Variants in ITIH3 observed in about 807,000 individuals in gnomAD.
The protein encoded by ITIH3 is inter-alpha-trypsin inhibitor heavy chain H3.
ITIH3 carries 81 observed loss-of-function variants against 96.5 expected under a neutral mutation model. The ratio of observed to expected loss-of-function variants is 0.84; its 90% CI spans 0.70 to 1.01. The LOEUF is 1.01. ITIH3 is among the 50% of genes least tolerant of loss of function. The pLI is 0.00. For synonymous variants in ITIH3, 422 were observed against 445.2 expected, an observed-to-expected ratio of 0.95 and a Z score of 0.66; for missense variants, 1,057 against 1,139.3, an observed-to-expected ratio of 0.93 and a Z score of 1.04.
rs180828720 is a variant in ITIH3 at position 52,805,421 on chromosome 3, G to C, written c.1874-387G>C. On this transcript the variant is annotated intron_variant, in intron 15 of 21. Coordinates refer to ENST00000449956, the MANE Select transcript of ITIH3 (RefSeq NM_002217.4). ...CGCATATGTGTGCGCCTGTGTGCACGTGTGGGTGGGTGTTTACTATCAAGA... is the reference window on the plus strand; with the variant it reads ...CGCATATGTGTGCGCCTGTGTGCACCTGTGGGTGGGTGTTTACTATCAAGA... 8.6e-6 allele frequency: 9 copies of C among 1,048,532 alleles called. No individual in the cohort carries two copies. In the African/African-American group the frequency reaches 1.5e-4, roughly 18 times the overall value. The allele number at this position is 1,048,532 out of a possible 1,614,324, so 65.0% of individuals were successfully genotyped here.
Position 52,802,812 on chromosome 3 carries a change from C to T in ITIH3, c.1709+6C>T, listed in dbSNP as rs1409372714. 6.2e-7 allele frequency: 1 copy of T among 1,613,658 alleles called. No homozygotes were observed. The highest frequency in any genetic ancestry group is 1.3e-5 in the African/African-American group (1 of 75,052). Reference sequence around the variant, plus strand: ...GAGCAGCTGCTGGAGAAGCGGTGAGCAGAGTCCCAGCCCCCACCTGTGCCT... The same window carrying T: ...GAGCAGCTGCTGGAGAAGCGGTGAGTAGAGTCCCAGCCCCCACCTGTGCCT... On this transcript the variant is annotated splice_donor_region_variant and intron_variant, in intron 13 of 21. Transcript: ENST00000449956.
chr3:52,795,695 G>A, intron 2 of ITIH3, 72 bp downstream of exon 2: 1 of 1,468,794 alleles, frequency 6.8e-7, no homozygotes, highest in Admixed American at 1.8e-5. Flanking sequence ...AACTGCTGAA[G>A]GTGTAGGCTA....
chr3:52,800,438 C>T, intron 9 of ITIH3, 100 bp from the exon 10 acceptor site: 1 of 1,447,300 alleles, frequency 6.9e-7, no homozygotes, highest in Admixed American at 2.1e-5. Flanking sequence ...TCCTTGGGCA[C>T]ATGAGTGGGG....
intron 13 of ITIH3, among the ~76,000 whole-genome samples, chr3:52,803,307 TTTTATTTTATTATTATTA>T (rs1205441349): frequency 0.011 from 1,386 of 120,792 alleles, 25 homozygotes; most frequent in African/African-American, 0.066. Flanking sequence ...TATTTATTTA[TTTTATTTTATTATTATTA>T]TTTTTTTTTT....
intron 16 of ITIH3, 107 bp from the exon 17 acceptor site, chr3:52,805,992 TAGCG>T: frequency 8.7e-6 from 13 of 1,487,620 alleles, no homozygotes; most frequent in Non-Finnish European, 1.1e-5. Flanking sequence ...GCAATGGCAT[TAGCG>T]AGCGGGAAGG....
In ITIH3 at chr3:52,796,752, G is replaced by A. The variant is rs1699600587; in HGVS notation, c.295G>A (p.Val99Ile). The change falls in exon 4 of 22, where the codon GTT becomes ATT. Residue 99 changes from valine to isoleucine, a missense_variant. Transcript: ENST00000449956. The stretch of plus-strand genomic sequence containing the variant: ...CTTTCCCTGCAGGACCATCGACGGT[G>A]TTACCTACCCTGGGAATGTCAAGGA... Reference protein sequence around the residue: ...ITNFTLTIDGVTYPGNVKEKE... With the variant: ...ITNFTLTIDGITYPGNVKEKE... 6.2e-7 allele frequency: 1 copy of A among 1,612,138 alleles called. No homozygotes were observed.
intron 6 of ITIH3, 163 bp from the exon 7 acceptor site, chr3:52,798,803 C>A: frequency 1.3e-6 from 1 of 762,016 alleles, no homozygotes; most frequent in Non-Finnish European, 2.1e-6. Flanking sequence ...GAGCACGCCA[C>A]CGGCGGGCAG....
Position 52,797,819 on chromosome 3 carries a change from C to G in ITIH3, c.552C>G (p.Ile184Met), listed in dbSNP as rs780953381. The change falls in exon 6 of 22, where the codon ATC (isoleucine) becomes ATG (methionine). Residue 184 changes from isoleucine to methionine, a missense_variant and splice_region_variant. By Grantham distance (10) the Ile-to-Met change is conservative. Transcript: ENST00000449956. ...TTTCCTTACTTTGGCCATTTCAGAT[C>G]GAGGTAGACATCTTCGAGCCTCAGG... Reference protein sequence around the residue: ...QPKQLVKHFEIEVDIFEPQGI... With the variant: ...QPKQLVKHFEMEVDIFEPQGI... The G allele has an allele frequency of 6.3e-7, 1 of 1,594,476 alleles. No homozygotes were observed. The highest frequency in any genetic ancestry group is 8.6e-7 in the Non-Finnish European group (1 of 1,168,524).
Position 52,796,809 on chromosome 3 carries a change from G to C in ITIH3, c.352G>C (p.Ala118Pro). 6.2e-7 allele frequency: 1 copy of C among 1,612,406 alleles called. No individual in the cohort carries two copies. Among genetic ancestry groups the C allele is most frequent in the African/African-American group, 1.3e-5 (1 of 75,028 alleles). Residue 118 changes from alanine (A) to proline (P), a missense_variant, in exon 4 of 22, where the codon GCT becomes CCT. Coordinates refer to ENST00000449956, the MANE Select transcript of ITIH3 (RefSeq NM_002217.4). ...AGTTGCCAAGAAGCAGTATGAAAAG[G>C]CTGTGTCCCAGGGCAAGACGGCCGG... ...KEVAKKQYEK[A>P]VSQGKTAGLV...
In ITIH3 at chr3:52,805,957, C is replaced by G. The variant is rs954037676; in HGVS notation, c.1906+117C>G. On this transcript the variant is annotated intron_variant, in intron 16 of 21. Coordinates refer to ENST00000449956, the MANE Select transcript of ITIH3 (RefSeq NM_002217.4). The stretch of plus-strand genomic sequence containing the variant: ...CGGGATGGGCAGATGGACAATGTGC[C>G]CTGAGGAGATTGCGGGGTGGGAGGG... The G allele has an allele frequency of 1.3e-5, 20 of 1,531,782 alleles. No homozygotes were observed. The African/African-American group carries it at 2.6e-4, about 20-fold the overall frequency. The allele number at this position is 1,531,782 out of a possible 1,614,324, so 94.9% of individuals were successfully genotyped here. A position where few individuals can be genotyped will look rare whatever the true frequency, so the allele number is the denominator to read the frequency against.
At chr3:52,800,829 A>G in intron 10 of ITIH3, 136 bp from the exon 11 acceptor site, 1 of 1,461,156 alleles carries the variant, frequency 6.8e-7, no homozygotes, top group Non-Finnish European at 9.3e-7. Context: ...AGGGCTCTCC[A>G]CCACCTGCCC....
chr3:52,802,466 C>T lies in ITIH3; in HGVS notation c.1516C>T (p.Arg506Cys), dbSNP rs770349939. The change falls in exon 12 of 22, where the codon CGC becomes TGC. Residue 506 changes from arginine to cysteine, a missense_variant. Coordinates refer to ENST00000449956, the MANE Select transcript of ITIH3 (RefSeq NM_002217.4). ...TGGCTCTGAGATCGTGGTGGCCGGG[C>T]GCCTGGTGGACGAGGACATGAACAG... ...YDGSEIVVAG[R>C]LVDEDMNSFK... 11 of 1,613,766 alleles carry T rather than the reference C, an allele frequency of 6.8e-6. No homozygotes were observed. Among genetic ancestry groups the T allele is most frequent in the South Asian group, 2.2e-5 (2 of 91,080 alleles).
intron 14 of ITIH3, 118 bp from the exon 15 acceptor site, chr3:52,804,608 C>A: frequency 1.9e-6 from 2 of 1,064,008 alleles, no homozygotes; most frequent in Non-Finnish European, 2.8e-6. Flanking sequence ...GAAGAGCTGG[C>A]TGCTGGGAGG....
chr3:52,802,373 G>A lies in ITIH3; in HGVS notation c.1423G>A (p.Val475Met). The change falls in exon 12 of 22, where the codon GTG becomes ATG. Residue 475 changes from valine to methionine, a missense_variant. By Grantham distance (21) the Val-to-Met change is conservative. Coordinates refer to ENST00000449956, the MANE Select transcript of ITIH3 (RefSeq NM_002217.4). ...GGTGGCCAACCCACTGCTGACGGGT[G>A]TGGAGATGGAGTACCCCGAGAACGC... Reference protein sequence around the residue: ...EEVANPLLTGVEMEYPENAIL... With the variant: ...EEVANPLLTGMEMEYPENAIL... 2 of 1,614,030 alleles carry A rather than the reference G, an allele frequency of 1.2e-6. No individual in the cohort carries two copies. Among genetic ancestry groups the A allele is most frequent in the Non-Finnish European group, 1.7e-6 (2 of 1,179,906 alleles).
intron 5 of ITIH3, among the ~76,000 whole-genome samples, chr3:52,797,596 T>A (rs1000601227): frequency 2.0e-5 from 3 of 152,206 alleles, no homozygotes; most frequent in Non-Finnish European, 4.4e-5. Context: ...AGTGGTGGAA[T>A]TTCGGGCGCA....
chr3:52,801,658 T>C (rs562361631), intron 11 of ITIH3, among the ~76,000 whole-genome samples: 8 of 152,322 alleles, frequency 5.3e-5, no homozygotes, highest in Non-Finnish European at 1.0e-4. Flanking sequence ...GTCTTCCCTC[T>C]GGATGTCTGT....
intron 19 of ITIH3, 25 bp from the exon 20 acceptor site, chr3:52,807,722 G>A: frequency 1.3e-6 from 2 of 1,594,730 alleles, no homozygotes; most frequent in Non-Finnish European, 8.5e-7. Flanking sequence ...GGGCCCCACA[G>A]CCACTTTCTG....
chr3:52,807,213 G>C, intron 19 of ITIH3, 108 bp downstream of exon 19: 1 of 980,646 alleles, frequency 1.0e-6, no homozygotes, highest in Non-Finnish European at 1.5e-6. Context: ...GGGGTCACAG[G>C]AAAGATCAGA....
intron 1 of ITIH3, among the ~76,000 whole-genome samples, 191 bp downstream of exon 1, chr3:52,795,087 A>G (rs1296691702): frequency 6.6e-6 from 1 of 152,180 alleles, no homozygotes; most frequent in Non-Finnish European, 1.5e-5. Context: ...AACCCTGGGA[A>G]GGCTCTTAAA....
Sources: allele counts gnomAD v4.1 joint callset (sites outside exome capture counted in the v4.1 genomes callset), GRCh38; gene constraint gnomAD v4.1.1; transcripts MANE v1.5; gene names NCBI Gene and HGNC (gene_info 2026-07-23, HGNC 2026-07-21).